MAP4K2: variants seen among roughly 807,000 people sequenced by gnomAD.
The protein encoded by MAP4K2 is B lymphocyte serine/threonine protein kinase.
In MAP4K2, 85 loss-of-function variants were observed where a neutral mutation model predicts 125.3. That is an observed-to-expected ratio of 0.68 (90% CI 0.57 to 0.81). MAP4K2 has a LOEUF of 0.81. MAP4K2 is among the 40% of genes least tolerant of loss of function. MAP4K2 has a pLI of 0.00. For missense variants in MAP4K2, 923 were observed against 1,056.4 expected, an observed-to-expected ratio of 0.87 and a Z score of 1.75; for synonymous variants, 479 against 445.1, an observed-to-expected ratio of 1.08 and a Z score of -0.96.
intron 27 of MAP4K2, among the ~76,000 whole-genome samples, chr11:64,790,922 G>T (rs1188244825): frequency 6.6e-6 from 1 of 151,968 alleles, no homozygotes; most frequent in Non-Finnish European, 1.5e-5. Flanking sequence ...GATCACCTGA[G>T]ATCAGGTGTT....
Position 64,790,192 on chromosome 11 carries a change from A to AGTCT in MAP4K2, c.2240_2243dup (p.Val749AspfsTer26), listed in dbSNP as rs1284050938. The AGTCT allele has an allele frequency of 6.2e-7, 1 of 1,614,000 alleles. No homozygotes were observed. Among genetic ancestry groups the AGTCT allele is most frequent in the African/African-American group, 1.3e-5 (1 of 75,010 alleles). On this transcript the variant is annotated frameshift_variant, in exon 29 of 32. Coordinates refer to ENST00000294066, the MANE Select transcript of MAP4K2 (RefSeq NM_004579.5). LOFTEE classifies it high-confidence loss of function. ...CCCCACCTCTGGCTCACTCACCCAC[A>AGTCT]GTCTCGATGGGGAAATCAAAGGTCA... is the stretch of plus-strand genomic sequence containing the variant.
In MAP4K2 at chr11:64,799,697, G is replaced by A; in HGVS notation, c.916-14C>T. ...CATGTCATAGGTCTAAGGAAAAACA[G>A]AAACAGTGTGGACACACCTGGCACG... On this transcript the variant is annotated splice_polypyrimidine_tract_variant and intron_variant, in intron 12 of 31. Coordinates refer to ENST00000294066, the MANE Select transcript of MAP4K2 (RefSeq NM_004579.5). 3.7e-6 allele frequency: 6 copies of A among 1,611,306 alleles called. No homozygotes were observed. In the South Asian group the frequency reaches 5.5e-5, roughly 15 times the overall value.
In MAP4K2 at chr11:64,789,638, G is replaced by A; in HGVS notation, c.2376-14C>T. On this transcript the variant is annotated splice_polypyrimidine_tract_variant and intron_variant, in intron 31 of 31. Transcript: ENST00000294066. ...AGGATGATGTCTCTGGAGGAGAGAG[G>A]AGTAGGGGGCAGGGCGGGAGACACT... 1.2e-6 allele frequency: 2 copies of A among 1,611,504 alleles called. No individual in the cohort carries two copies. Among genetic ancestry groups the A allele is most frequent in the South Asian group, 2.2e-5 (2 of 90,582 alleles).
rs567790205 is a variant in MAP4K2 at position 64,791,667 on chromosome 11, G to A, written c.2092+242C>T. Among the ~76,000 whole-genome samples, 37 of 152,288 alleles carry A rather than the reference G, an allele frequency of 2.4e-4. No homozygotes were observed. The East Asian group carries it at 3.5e-3, about 14-fold the overall frequency. On this transcript the variant is annotated intron_variant, in intron 27 of 31. Coordinates refer to ENST00000294066, the MANE Select transcript of MAP4K2 (RefSeq NM_004579.5). ...ATTACAGGCGTGAGCCACTGTGCCC[G>A]GCCTGGCCAGGATTTTCTTAGCTGC...
rs939113452 is a variant in MAP4K2, at chr11:64,803,161, G to T, written c.-12C>A. On this transcript the variant is annotated 5_prime_UTR_variant, in exon 1 of 32. Coordinates refer to ENST00000294066, the MANE Select transcript of MAP4K2 (RefSeq NM_004579.5). Reference sequence around the variant, plus strand: ...CGCAGCAGCGCCATGGCCCGGCGCCGGGCGGGCCGGCAGGCGGGCGGGCGC... The same window carrying T: ...CGCAGCAGCGCCATGGCCCGGCGCCTGGCGGGCCGGCAGGCGGGCGGGCGC... The T allele has an allele frequency of 3.2e-6, 4 of 1,249,000 alleles. No individual in the cohort carries two copies. The highest frequency in any genetic ancestry group is 1.6e-5 in the African/African-American group (1 of 63,096). 77.4% of individuals were successfully genotyped at this position (1,249,000 alleles called of 1,614,324 possible). A position where few individuals can be genotyped will look rare whatever the true frequency, so the allele number is the denominator to read the frequency against.
At chr11:64,799,709 A>C in intron 12 of MAP4K2, 26 bp from the exon 13 acceptor site, 1 of 1,601,070 alleles carries the variant, frequency 6.2e-7, no homozygotes, top group South Asian at 1.1e-5. Flanking sequence ...AACAGTGTGG[A>C]CACACCTGGC....
At chr11:64,795,709 A>AT (rs1268762641) in intron 24 of MAP4K2, among the ~76,000 whole-genome samples, 3 of 151,894 alleles carry the variant, frequency 2.0e-5, no homozygotes, top group Non-Finnish European at 4.4e-5. Flanking sequence ...GACTTTTTTG[A>AT]TTTTTTGTAG....
At position 64,798,848 on chromosome 11, in the gene MAP4K2, C is replaced by A. The variant is rs777075041; in HGVS notation, c.1054-11G>T. ...CCACTCTTCCTCCCACTGGGGGAAA[C>A]CAAGGTAGAGACCGGGGAAGAAGCA... On this transcript the variant is annotated splice_polypyrimidine_tract_variant and intron_variant, in intron 14 of 31. Transcript: ENST00000294066. 2 of 1,593,420 alleles carry A rather than the reference C, an allele frequency of 1.3e-6. No homozygotes were observed. Among genetic ancestry groups the A allele is most frequent in the Non-Finnish European group, 1.7e-6 (2 of 1,169,878 alleles).
At chr11:64,802,998 C>T (rs1941333159) in intron 1 of MAP4K2, 56 bp from the exon 2 acceptor site, 3 of 1,569,266 alleles carry the variant, frequency 1.9e-6, no homozygotes, top group Non-Finnish European at 2.6e-6. Flanking sequence ...CTAGATCCTG[C>T]CGCGGGGTGC....
chr11:64,797,670 C>T lies in MAP4K2; in HGVS notation c.1098-6G>A. On this transcript the variant is annotated splice_polypyrimidine_tract_variant and splice_region_variant and intron_variant, in intron 15 of 31. Transcript: ENST00000294066. ...GGACCGACTGCAGCAGGCTCCTGGG[C>T]AGTGGGGAAAAGGGGTCAGAGGTCA... The T allele has an allele frequency of 1.3e-6, 2 of 1,540,910 alleles. No individual in the cohort carries two copies. The highest frequency in any genetic ancestry group is 2.4e-5 in the East Asian group (1 of 42,040).
At chr11:64,803,018 A>T in intron 1 of MAP4K2, 36 bp downstream of exon 1, 1 of 1,583,786 alleles carries the variant, frequency 6.3e-7, no homozygotes, top group African/African-American at 1.4e-5. Flanking sequence ...CGGGGCTGGC[A>T]CCCTCCTCCC....
intron 14 of MAP4K2, 45 bp from the exon 15 acceptor site, chr11:64,798,882 T>C: frequency 6.5e-7 from 1 of 1,527,076 alleles, no homozygotes. Flanking sequence ...CAGAGACAGA[T>C]GCAACGTGAG....
At position 64,790,266 on chromosome 11, in the gene MAP4K2, TCA is replaced by T; in HGVS notation, c.2168_2169del (p.Val723GlufsTer16). 6.2e-7 allele frequency: 1 copy of T among 1,614,088 alleles called. No individual in the cohort carries two copies. On this transcript the variant is annotated frameshift_variant, in exon 29 of 32. Coordinates refer to ENST00000294066, the MANE Select transcript of MAP4K2 (RefSeq NM_004579.5). LOFTEE classifies it high-confidence loss of function. ...GGCTCGCCCTGCATGTTGACAATCC[TCA>T]CACAGCCTGCACAGGGAAGGAATTG... is the stretch of plus-strand genomic sequence containing the variant. The part of the protein sequence containing the change: ...DTILVSFERC[V>X]RIVNMQGEPT...
At position 64,802,949 on chromosome 11, in the gene MAP4K2, G is replaced by A; in HGVS notation, c.97-7C>T. The A allele has an allele frequency of 1.3e-6, 2 of 1,573,220 alleles. No individual in the cohort carries two copies. The highest frequency in any genetic ancestry group is 1.4e-5 in the African/African-American group (1 of 73,798). On this transcript the variant is annotated splice_region_variant and splice_polypyrimidine_tract_variant and intron_variant, in intron 1 of 31. Coordinates refer to ENST00000294066, the MANE Select transcript of MAP4K2 (RefSeq NM_004579.5). ...ACGTGACCGTGTCGCGGGCCTGCAG[G>A]GGCGGAGGGTGAAGCGGGATGGGGG...
rs973887189 is a variant in MAP4K2, at chr11:64,789,438, G to C, written c.*99C>G. ...GACCTTCAGCCCCAGCAGGGCCAGG[G>C]CCTGGGCTCCTCTGGTCTAGGATGG... is the stretch of plus-strand genomic sequence containing the variant. On this transcript the variant is annotated 3_prime_UTR_variant, in exon 32 of 32. Coordinates refer to ENST00000294066, the MANE Select transcript of MAP4K2 (RefSeq NM_004579.5). 5 of 1,067,656 alleles carry C rather than the reference G, an allele frequency of 4.7e-6. No homozygotes were observed. In the Admixed American group the frequency reaches 8.4e-5, roughly 18 times the overall value. The allele number at this position is 1,067,656 out of a possible 1,614,324, so 66.1% of individuals were successfully genotyped here.
At position 64,797,153 on chromosome 11, in the gene MAP4K2, G is replaced by A. The variant is rs148775269; in HGVS notation, c.1316C>T (p.Pro439Leu). ...GGTGGCCCAGGCCGTGGGCAGCAGT[G>A]GGGAGCTGTTGGGGCCTGAAGGAGG... ...PPPPSGPNSS[P>L]LLPTAWATMK... The change falls in exon 19 of 32, where the codon CCA (proline) becomes CTA (leucine). Residue 439 changes from proline to leucine, a missense_variant. Pro to Leu is a moderately conservative substitution (Grantham distance 98, BLOSUM62 -3). Around this residue, in one of 2 missense-constraint regions of MAP4K2, gnomAD observed 833 missense variants for 911.4 expected, o/e 0.91. Coordinates refer to ENST00000294066, the MANE Select transcript of MAP4K2 (RefSeq NM_004579.5). 2.9e-5 allele frequency: 46 copies of A among 1,613,972 alleles called. No homozygotes were observed. Among genetic ancestry groups the A allele is most frequent in the Non-Finnish European group, 3.7e-5 (44 of 1,180,012 alleles).
intron 15 of MAP4K2, 39 bp from the exon 16 acceptor site, chr11:64,797,703 CT>C (rs35199527): frequency 0.042 from 44,866 of 1,058,506 alleles, 2 homozygotes; most frequent in East Asian, 0.071. Context: ...TCAACCTTTC[CT>C]TTTTTTTTTT....
At position 64,800,781 on chromosome 11, in the gene MAP4K2, C is replaced by T. The variant is rs1452495193; in HGVS notation, c.708G>A (p.Leu236=). ...MSKSSFQPPK[L]RDKTRWTQNF... is the part of the protein sequence containing the mutation. ...GCCCTTACCAGCGAGTCTTATCTCT[C>T]AGTTTGGGCGGCTGGAAGCTGCTCT... Residue 236 remains leucine (L), a synonymous_variant, in exon 10 of 32, where the codon CTG becomes CTA. Transcript: ENST00000294066. The T allele has an allele frequency of 6.2e-7, 1 of 1,608,200 alleles. No individual in the cohort carries two copies. The highest frequency in any genetic ancestry group is 1.7e-5 in the Admixed American group (1 of 58,942).
chr11:64,797,236 C>T (rs1208432748), intron 18 of MAP4K2, 39 bp downstream of exon 18: 1 of 1,602,776 alleles, frequency 6.2e-7, no homozygotes, highest in Non-Finnish European at 8.5e-7. Flanking sequence ...TAGCCCCCAC[C>T]CTGGGGCTGC....
Sources: gnomAD v4.1 joint callset for allele counts (sites outside exome capture counted in the v4.1 genomes callset) on GRCh38, gnomAD v4.1.1 for gene constraint, gnomAD v4.1.1 regional missense constraint, MANE v1.5 for transcripts, NCBI Gene and HGNC (gene_info 2026-07-23, HGNC 2026-07-21) for gene names.